The following SLC44A5 variants were observed in gnomAD, a reference collection of about 807,000 sequenced individuals.
SLC44A5 encodes the protein solute carrier family 44 member 5.
A neutral mutation model predicts 101.8 loss-of-function variants in SLC44A5; 57 were observed. The ratio of observed to expected loss-of-function variants is 0.56; its 90% CI spans 0.45 to 0.70. The LOEUF is 0.70. SLC44A5 is among the 30% of genes least tolerant of loss of function. The probability of loss-of-function intolerance (pLI) is 0.00; values close to 1 mark genes in which losing one functional copy is unlikely to be tolerated. For missense variants in SLC44A5, 737 were observed against 853.1 expected (o/e 0.86, Z 1.70); for synonymous variants, 281 against 290.9 (o/e 0.97, Z 0.35).
intron 2 of SLC44A5, among the ~76,000 whole-genome samples, chr1:75,540,654 T>C (rs1027839110): frequency 2.6e-5 from 4 of 152,244 alleles, no homozygotes; most frequent in African/African-American, 4.8e-5. Flanking sequence ...TGCTTAACTT[T>C]AAGCTATACA....
chr1:75,548,993 C>A (rs1214760179), intron 1 of SLC44A5, among the ~76,000 whole-genome samples: 2 of 152,156 alleles, frequency 1.3e-5, no homozygotes, highest in East Asian at 3.9e-4. Flanking sequence ...CTTTCCTATC[C>A]CAAAAGCTAT....
intron 5 of SLC44A5, among the ~76,000 whole-genome samples, chr1:75,298,538 T>C (rs182095093): frequency 2.6e-5 from 4 of 152,276 alleles, no homozygotes; most frequent in Admixed American, 2.6e-4. Context: ...CTGTTTTGTC[T>C]ACGGAAGAGT....
chr1:75,708,662 C>G, the SLC44A5 span, among the ~76,000 whole-genome samples: 1 of 152,090 alleles, frequency 6.6e-6, no homozygotes, highest in African/African-American at 2.4e-5. Flanking sequence ...GCAATTATGT[C>G]TTTATGGGGG....
In SLC44A5 at chr1:75,436,108, A is replaced by G. The variant is rs529739826; in HGVS notation, c.14-39487T>C. Among the ~76,000 whole-genome samples the G allele has an allele frequency of 6.6e-5, 10 of 152,290 alleles. 2 individuals are homozygous for G. In the South Asian group the frequency reaches 2.1e-3, roughly 32 times the overall value. On this transcript the variant is annotated intron_variant, in intron 2 of 23. Coordinates refer to ENST00000370859, the MANE Select transcript of SLC44A5 (RefSeq NM_001130058.2). ...TTTATTTCCTGACTATAAAGTATCT[A>G]CTTATCATGATAAAAGAGTAAATTG...
intron 2 of SLC44A5, among the ~76,000 whole-genome samples, chr1:75,448,265 C>A (rs552768008): frequency 6.6e-6 from 1 of 152,180 alleles, no homozygotes; most frequent in Middle Eastern, 3.2e-3. Flanking sequence ...TCTATCTTGT[C>A]CTAATGTTCA....
At chr1:75,223,254 A>G (rs1329539670) in intron 13 of SLC44A5, among the ~76,000 whole-genome samples, 1 of 152,042 alleles carries the variant, frequency 6.6e-6, no homozygotes, top group Non-Finnish European at 1.5e-5. Context: ...TGCTTTTTTG[A>G]GTTTGACGAG....
upstream of SLC44A5, among the ~76,000 whole-genome samples, chr1:75,613,269 T>G (rs1675734296): frequency 1.3e-5 from 2 of 152,202 alleles, no homozygotes; most frequent in South Asian, 4.1e-4. Flanking sequence ...TTCACCCCAG[T>G]AGCCTGCCCC....
At chr1:75,647,747 A>T in the SLC44A5 span, among the ~76,000 whole-genome samples, 2 of 152,196 alleles carry the variant, frequency 1.3e-5, no homozygotes, top group Non-Finnish European at 2.9e-5. Context: ...TGTGAGGCCT[A>T]TAGCCCCTTT....
chr1:75,670,261 A>G, the SLC44A5 span, among the ~76,000 whole-genome samples: 37,954 of 151,970 alleles, frequency 0.25, 5,065 homozygotes, highest in Non-Finnish European at 0.3. Flanking sequence ...CTAAAAGAAA[A>G]CCTTCCCAAT....
At chr1:75,297,962 AAAC>A (rs140199054) in intron 5 of SLC44A5, among the ~76,000 whole-genome samples, 7,442 of 152,198 alleles carry the variant, frequency 0.049, 241 homozygotes, top group Middle Eastern at 0.13. Flanking sequence ...AACAAAACAA[AAAC>A]AACAACAACA....
At chr1:75,686,877 G>A in the SLC44A5 span, among the ~76,000 whole-genome samples, 3 of 152,168 alleles carry the variant, frequency 2.0e-5, no homozygotes, top group African/African-American at 7.2e-5. Context: ...GGACAATAGA[G>A]TAAATTGGAC....
At chr1:75,307,430 AGAG>A (rs1654995787) in intron 4 of SLC44A5, among the ~76,000 whole-genome samples, 1 of 152,206 alleles carries the variant, frequency 6.6e-6, no homozygotes, top group African/African-American at 2.4e-5. Flanking sequence ...AGGCTTTATT[AGAG>A]GATAATGCAC....
Position 75,287,179 on chromosome 1 carries a change from C to T in SLC44A5, c.176-12137G>A, listed in dbSNP as rs560639168. 2.3e-4 allele frequency among the ~76,000 whole-genome samples: 35 copies of T among 151,658 alleles called. No individual in the cohort carries two copies. The South Asian group carries it at 7.1e-3, about 31-fold the overall frequency. On this transcript the variant is annotated intron_variant, in intron 5 of 23. Coordinates refer to ENST00000370859, the MANE Select transcript of SLC44A5 (RefSeq NM_001130058.2). ...TTGTTGGATTGGGTTAATATGAAAG[C>T]CTTGTCTTTGAGCTCTGAAGCTCTT...
At chr1:75,678,195 A>G in the SLC44A5 span, among the ~76,000 whole-genome samples, 2 of 152,186 alleles carry the variant, frequency 1.3e-5, no homozygotes, top group Admixed American at 6.5e-5. Flanking sequence ...AGGGGCGCCC[A>G]CCAATGCCCA....
intron 2 of SLC44A5, among the ~76,000 whole-genome samples, chr1:75,406,615 C>G (rs765584710): frequency 6.6e-6 from 1 of 152,124 alleles, no homozygotes; most frequent in South Asian, 2.1e-4. Context: ...AAAAAGCACA[C>G]GATTATCTTA....
chr1:75,569,238 C>CTT (rs566440021), intron 1 of SLC44A5, among the ~76,000 whole-genome samples: 16,938 of 112,770 alleles, frequency 0.15, 1,503 homozygotes, highest in Admixed American at 0.23. Context: ...TCATCTCTAC[C>CTT]TTTTTTTTTT....
In SLC44A5 at chr1:75,369,875, G is replaced by A. The variant is rs1263949263; in HGVS notation, c.52+26708C>T. ...CAATCAATTACCAGGTTTCCAGCTG[G>A]AAGTTTTCCCATTGCTTGGCCTTGA... On this transcript the variant is annotated intron_variant, in intron 3 of 23. Coordinates refer to ENST00000370859, the MANE Select transcript of SLC44A5 (RefSeq NM_001130058.2). 2.0e-5 allele frequency among the ~76,000 whole-genome samples: 3 copies of A among 152,168 alleles called. No homozygotes were observed. In the East Asian group the frequency reaches 5.8e-4, roughly 29 times the overall value.
chr1:75,364,736 G>T (rs577134594), intron 3 of SLC44A5, among the ~76,000 whole-genome samples: 6 of 151,938 alleles, frequency 3.9e-5, no homozygotes, highest in Non-Finnish European at 8.8e-5. Flanking sequence ...TCTCTTGATG[G>T]TTTCCCGTAA....
chr1:75,492,444 T>C lies in SLC44A5; in HGVS notation c.13+48991A>G, dbSNP rs985159983. 6.6e-5 allele frequency among the ~76,000 whole-genome samples: 10 copies of C among 152,146 alleles called. No individual in the cohort carries two copies. The East Asian group carries it at 1.7e-3, about 26-fold the overall frequency. ...TATCTGGCAAAAAGGAAGCACTCAA[T>C]AAATATTAGTAGAATGAATGTATGA... On this transcript the variant is annotated intron_variant, in intron 2 of 23. Coordinates refer to ENST00000370859, the MANE Select transcript of SLC44A5 (RefSeq NM_001130058.2).
Sources: allele counts gnomAD v4.1 joint callset (sites outside exome capture counted in the v4.1 genomes callset), GRCh38; gene constraint gnomAD v4.1.1; transcripts MANE v1.5; gene names NCBI Gene and HGNC (gene_info 2026-07-23, HGNC 2026-07-21).